The following ST6GALNAC3 variants were observed in gnomAD, a reference collection of about 807,000 sequenced individuals.
ST6GALNAC3 encodes ST6 N-acetylgalactosaminide alpha-2,6-sialyltransferase 3, also known as alpha-N-acetylgalactosaminide alpha-2,6-sialyltransferase 3.
A neutral mutation model predicts 32.7 loss-of-function variants in ST6GALNAC3; 25 were observed. The ratio of observed to expected loss-of-function variants is 0.76; its 90% CI spans 0.56 to 1.07. The LOEUF (loss-of-function observed/expected upper bound fraction) is 1.07. Ranked by LOEUF, ST6GALNAC3 falls within the 50% of genes least tolerant of loss-of-function variation. The probability of loss-of-function intolerance (pLI) is 0.00; values close to 1 mark genes in which losing one functional copy is unlikely to be tolerated. For synonymous variants in ST6GALNAC3, 129 were observed against 133.1 expected, an observed-to-expected ratio of 0.97 and a Z score of 0.21; for missense variants, 355 against 382.4, an observed-to-expected ratio of 0.93 and a Z score of 0.60.
At chr1:76,290,547 G>A (rs1207256315) in intron 1 of ST6GALNAC3, among the ~76,000 whole-genome samples, 1 of 152,142 alleles carries the variant, frequency 6.6e-6, no homozygotes, top group Non-Finnish European at 1.5e-5. Flanking sequence ...CGTGTCTACA[G>A]CTGCTCATTG....
chr1:76,224,065 C>T (rs977007310), intron 1 of ST6GALNAC3, among the ~76,000 whole-genome samples: 17 of 152,192 alleles, frequency 1.1e-4, no homozygotes, highest in African/African-American at 4.1e-4. Flanking sequence ...GTGAGACTCA[C>T]CCCACACTGA....
intron 1 of ST6GALNAC3, among the ~76,000 whole-genome samples, chr1:76,264,005 G>A (rs1436545544): frequency 6.6e-6 from 1 of 152,138 alleles, no homozygotes; most frequent in African/African-American, 2.4e-5. Flanking sequence ...AGATAAGAGA[G>A]GTTATCCAAA....
intron 3 of ST6GALNAC3, among the ~76,000 whole-genome samples, chr1:76,459,238 T>C (rs1249616379): frequency 1.3e-5 from 2 of 152,150 alleles, no homozygotes. Flanking sequence ...CCTTAAACAA[T>C]AAGGCATCAT....
intron 3 of ST6GALNAC3, among the ~76,000 whole-genome samples, chr1:76,488,337 T>A (rs1245078591): frequency 2.1e-4 from 3 of 13,958 alleles, no homozygotes; most frequent in Admixed American, 2.2e-3. Flanking sequence ...CTTCACCTTC[T>A]GTGTTGATTG....
chr1:76,452,878 G>C (rs865835787), intron 3 of ST6GALNAC3, among the ~76,000 whole-genome samples: 45 of 152,212 alleles, frequency 3.0e-4, no homozygotes, highest in African/African-American at 1.0e-3. Context: ...TTGAATGTCT[G>C]ATAGAATTCA....
intron 1 of ST6GALNAC3, among the ~76,000 whole-genome samples, chr1:76,137,776 A>G (rs535523805): frequency 1.3e-5 from 2 of 152,290 alleles, no homozygotes; most frequent in Non-Finnish European, 2.9e-5. Flanking sequence ...TCTATCACTT[A>G]CCCAAAGCCG....
chr1:76,252,698 G>A (rs72998547), intron 1 of ST6GALNAC3, among the ~76,000 whole-genome samples: 1 of 152,104 alleles, frequency 6.6e-6, no homozygotes, highest in South Asian at 2.1e-4. Flanking sequence ...TATTTAAGCA[G>A]CAATGTCCAA....
chr1:76,342,776 T>C (rs1031479001), intron 2 of ST6GALNAC3, among the ~76,000 whole-genome samples: 1 of 152,252 alleles, frequency 6.6e-6, no homozygotes, highest in Non-Finnish European at 1.5e-5. Flanking sequence ...TTCTGATTGG[T>C]ATGAGATGGT....
intron 3 of ST6GALNAC3, among the ~76,000 whole-genome samples, chr1:76,613,693 C>A (rs1298887959): frequency 6.6e-6 from 1 of 152,162 alleles, no homozygotes; most frequent in Non-Finnish European, 1.5e-5. Context: ...AGTGTGTAGC[C>A]CCTCTTCCTT....
chr1:76,110,292 A>T (rs1022958291), intron 1 of ST6GALNAC3, among the ~76,000 whole-genome samples: 1 of 152,254 alleles, frequency 6.6e-6, no homozygotes, highest in Non-Finnish European at 1.5e-5. Flanking sequence ...TAACCTGGAT[A>T]TTGATACTCC....
chr1:76,140,824 A>G (rs1427077566), intron 1 of ST6GALNAC3, among the ~76,000 whole-genome samples: 1 of 109,048 alleles, frequency 9.2e-6, no homozygotes, highest in Non-Finnish European at 1.8e-5. Context: ...TTTTTTTGGT[A>G]TAGAGGGTCT....
At position 76,627,491 on chromosome 1, in the gene ST6GALNAC3, C is replaced by A; in HGVS notation, c.663C>A (p.Thr221=). 6.2e-7 allele frequency: 1 copy of A among 1,612,676 alleles called. No individual in the cohort carries two copies. Among genetic ancestry groups the A allele is most frequent in the Non-Finnish European group, 8.5e-7 (1 of 1,179,034 alleles). ...CATATCTCAGCACAGGGTGGTTTAC[C>A]TTCCTTCTGGCCATGGACGCCTGTT... ...SGSYLSTGWF[T]FLLAMDACYG... Residue 221 remains threonine (T), a synonymous_variant, in exon 4 of 5, where the codon ACC becomes ACA. Coordinates refer to ENST00000328299, the MANE Select transcript of ST6GALNAC3 (RefSeq NM_152996.4).
chr1:76,528,127 A>G (rs147538361), intron 3 of ST6GALNAC3, among the ~76,000 whole-genome samples: 124 of 152,282 alleles, frequency 8.1e-4, no homozygotes, highest in African/African-American at 2.5e-3. Flanking sequence ...TTATCATTTT[A>G]CAATAGCCTC....
At chr1:76,085,568 T>C (rs573019408) in intron 1 of ST6GALNAC3, among the ~76,000 whole-genome samples, 1 of 152,344 alleles carries the variant, frequency 6.6e-6, no homozygotes, top group South Asian at 2.1e-4. Context: ...CTAACAGTTA[T>C]GTTGACCTCA....
intron 1 of ST6GALNAC3, among the ~76,000 whole-genome samples, chr1:76,232,624 C>T (rs754682396): frequency 7.9e-5 from 12 of 152,196 alleles, no homozygotes; most frequent in Non-Finnish European, 1.3e-4. Context: ...CCTCAGATAG[C>T]GGGGCTGTTG....
chr1:76,629,940 A>T lies in ST6GALNAC3; in HGVS notation c.*1134A>T. On this transcript the variant is annotated 3_prime_UTR_variant, in exon 5 of 5. Coordinates refer to ENST00000328299, the MANE Select transcript of ST6GALNAC3 (RefSeq NM_152996.4). ...GACCAGAGCTTTTTGCCTTCTAGGG[A>T]TTTATTTTTCCCATAGTGTATCAGT... 1 of 985,054 alleles carries T rather than the reference A, an allele frequency of 1.0e-6. No individual in the cohort carries two copies. Among genetic ancestry groups the T allele is most frequent in the Non-Finnish European group, 1.2e-6 (1 of 829,766 alleles). 61.0% of individuals were successfully genotyped at this position (985,054 alleles called of 1,614,324 possible).
intron 3 of ST6GALNAC3, among the ~76,000 whole-genome samples, chr1:76,435,862 T>A (rs980710671): frequency 8.4e-6 from 1 of 118,590 alleles, no homozygotes; most frequent in Non-Finnish European, 1.9e-5. Context: ...TTTTTTTATT[T>A]TTTTTTTTAA....
intron 3 of ST6GALNAC3, among the ~76,000 whole-genome samples, chr1:76,499,739 A>G (rs1214727869): frequency 6.6e-6 from 1 of 152,318 alleles, no homozygotes; most frequent in Non-Finnish European, 1.5e-5. Flanking sequence ...TGAAGGAGGA[A>G]TGAAAAATTA....
intron 3 of ST6GALNAC3, among the ~76,000 whole-genome samples, chr1:76,447,147 G>T (rs1193274703): frequency 6.6e-6 from 1 of 152,202 alleles, no homozygotes; most frequent in Admixed American, 6.5e-5. Flanking sequence ...AATCCAGGCT[G>T]AAGTGGTCTC....
Sources: gnomAD v4.1 joint callset for allele counts (sites outside exome capture counted in the v4.1 genomes callset) on GRCh38, gnomAD v4.1.1 for gene constraint, MANE v1.5 for transcripts, NCBI Gene and HGNC (gene_info 2026-07-23, HGNC 2026-07-21) for gene names.